SPOCK3: variants seen among roughly 807,000 people sequenced by gnomAD.
The protein encoded by SPOCK3 is testican-3.
In SPOCK3, 30 loss-of-function variants were observed where a neutral mutation model predicts 56.6. The observed-to-expected ratio is 0.53, with a 90% CI of 0.40 to 0.72. The LOEUF (loss-of-function observed/expected upper bound fraction) is 0.72, where lower values mean the gene tolerates loss of function less well. Ranked by LOEUF, SPOCK3 falls within the 30% of genes least tolerant of loss-of-function variation. SPOCK3 has a pLI of 0.00. For synonymous variants in SPOCK3, 196 were observed against 183.3 expected (o/e 1.07, Z -0.56); for missense variants, 527 against 530.0 (o/e 0.99, Z 0.06).
intron 10 of SPOCK3, 31 bp downstream of exon 10, chr4:166,737,436 A>G (rs1038208982): frequency 1.3e-6 from 2 of 1,597,176 alleles, no homozygotes; most frequent in African/African-American, 2.7e-5. Context: ...TGTGCTTAGA[A>G]AATTATGAAA....
At chr4:167,122,735 A>G (rs563565809) in intron 2 of SPOCK3, among the ~76,000 whole-genome samples, 82 of 152,332 alleles carry the variant, frequency 5.4e-4, no homozygotes, top group African/African-American at 1.9e-3. Flanking sequence ...TATTAATGAA[A>G]TGTATAATTA....
chr4:167,074,073 T>C (rs1205872566), intron 2 of SPOCK3, among the ~76,000 whole-genome samples: 2 of 150,796 alleles, frequency 1.3e-5, no homozygotes, highest in Non-Finnish European at 3.0e-5. Context: ...AAAAAATAGC[T>C]AGTTTACTTG....
chr4:166,860,817 G>GTATATATATA (rs1307737257), intron 6 of SPOCK3, among the ~76,000 whole-genome samples: 493 of 31,002 alleles, frequency 0.016, 6 homozygotes, highest in African/African-American at 0.054. Context: ...ATATATATAT[G>GTATATATATA]TATATATATA....
intron 3 of SPOCK3, among the ~76,000 whole-genome samples, chr4:167,016,130 G>C (rs1489134249): frequency 6.6e-6 from 1 of 152,148 alleles, no homozygotes; most frequent in Non-Finnish European, 1.5e-5. Context: ...AGGAAAGCCT[G>C]TGGAATTATA....
Position 166,819,066 on chromosome 4 carries a change from C to T in SPOCK3, c.590-26777G>A, listed in dbSNP as rs184986534. On this transcript the variant is annotated intron_variant, in intron 6 of 10. Transcript: ENST00000357545. Reference sequence around the variant, plus strand: ...ACAATAAAGCAAATCCAAATCCTTGCTTACCCTTGTCATTATTTTTAAATT... The same window carrying T: ...ACAATAAAGCAAATCCAAATCCTTGTTTACCCTTGTCATTATTTTTAAATT... Among the ~76,000 whole-genome samples the T allele has an allele frequency of 2.9e-4, 44 of 152,124 alleles. 1 individual carries two copies. In the East Asian group the frequency reaches 5.8e-3, roughly 20 times the overall value.
chr4:166,817,440 A>G (rs545615682), intron 6 of SPOCK3, among the ~76,000 whole-genome samples: 3 of 152,144 alleles, frequency 2.0e-5, no homozygotes, highest in African/African-American at 7.2e-5. Context: ...CTTTGCTCAT[A>G]ATATGGGCTT....
chr4:166,745,305 T>A (rs1328055285), intron 8 of SPOCK3, among the ~76,000 whole-genome samples: 3 of 152,118 alleles, frequency 2.0e-5, no homozygotes, highest in Non-Finnish European at 2.9e-5. Flanking sequence ...AGAAACTCTA[T>A]GAGCCAGAAG....
chr4:166,998,551 CTT>C (rs1421358658), intron 4 of SPOCK3, among the ~76,000 whole-genome samples: 1 of 152,048 alleles, frequency 6.6e-6, no homozygotes, highest in Non-Finnish European at 1.5e-5. Flanking sequence ...GCTTTGTAGT[CTT>C]GAGGCAGTTA....
intron 2 of SPOCK3, among the ~76,000 whole-genome samples, chr4:167,079,778 A>C (rs1757548823): frequency 4.6e-5 from 7 of 152,018 alleles, no homozygotes; most frequent in Admixed American, 4.6e-4. Flanking sequence ...TGGTGTTGGC[A>C]ACTGTAATGT....
chr4:167,023,054 G>C (rs929622631), intron 3 of SPOCK3, among the ~76,000 whole-genome samples: 1 of 151,988 alleles, frequency 6.6e-6, no homozygotes, highest in Non-Finnish European at 1.5e-5. Flanking sequence ...GACATGTATA[G>C]AGACTATGCA....
intron 4 of SPOCK3, among the ~76,000 whole-genome samples, chr4:166,923,643 C>T (rs1218620940): frequency 6.6e-6 from 1 of 152,160 alleles, no homozygotes; most frequent in East Asian, 1.9e-4. Context: ...TGCCCATTAG[C>T]AGCCACAAGA....
chr4:167,120,536 A>G (rs779442837), intron 2 of SPOCK3, among the ~76,000 whole-genome samples: 2 of 152,072 alleles, frequency 1.3e-5, no homozygotes, highest in Non-Finnish European at 2.9e-5. Context: ...TTGGAAAAAT[A>G]AATAATTCGA....
intron 2 of SPOCK3, among the ~76,000 whole-genome samples, chr4:167,149,840 T>C (rs928666194): frequency 2.9e-3 from 5 of 1,714 alleles, no homozygotes; most frequent in African/African-American, 7.0e-3. Flanking sequence ...TATATATATA[T>C]GTATATATAT....
intron 2 of SPOCK3, among the ~76,000 whole-genome samples, chr4:167,217,431 A>T (rs1475268720): frequency 1.3e-5 from 2 of 151,998 alleles, no homozygotes; most frequent in Non-Finnish European, 2.9e-5. Flanking sequence ...TTTATATTGT[A>T]TAAGGTATTA....
At chr4:167,165,415 C>T (rs992663987) in intron 2 of SPOCK3, among the ~76,000 whole-genome samples, 1 of 152,038 alleles carries the variant, frequency 6.6e-6, no homozygotes, top group African/African-American at 2.4e-5. Flanking sequence ...ACAGACACTT[C>T]TCAAAATAAG....
chr4:167,186,413 G>A (rs1445812992), intron 2 of SPOCK3, among the ~76,000 whole-genome samples: 1 of 152,146 alleles, frequency 6.6e-6, no homozygotes, highest in African/African-American at 2.4e-5. Flanking sequence ...CAGATCACGA[G>A]GTCAGGAATT....
chr4:167,117,059 G>A (rs962201002), intron 2 of SPOCK3, among the ~76,000 whole-genome samples: 4 of 150,938 alleles, frequency 2.7e-5, no homozygotes, highest in African/African-American at 9.7e-5. Flanking sequence ...TGGGGCCATG[G>A]TAAATGCAAG....
chr4:167,162,665 C>G (rs942390823), intron 2 of SPOCK3, among the ~76,000 whole-genome samples: 1 of 151,976 alleles, frequency 6.6e-6, no homozygotes, highest in Non-Finnish European at 1.5e-5. Context: ...ACTGAAAGTG[C>G]TGCAGCTGGG....
At chr4:167,177,618 A>G (rs1040439245) in intron 2 of SPOCK3, among the ~76,000 whole-genome samples, 2 of 152,142 alleles carry the variant, frequency 1.3e-5, no homozygotes, top group African/African-American at 2.4e-5. Context: ...GAATAAGTCT[A>G]TGATTAGGTA....
Sources: gnomAD v4.1 joint callset for allele counts (sites outside exome capture counted in the v4.1 genomes callset) on GRCh38, gnomAD v4.1.1 for gene constraint, MANE v1.5 for transcripts, NCBI Gene and HGNC (gene_info 2026-07-23, HGNC 2026-07-21) for gene names.